Variants in SLC24A3 observed in about 807,000 individuals in gnomAD.
SLC24A3 encodes sodium/potassium/calcium exchanger 3.
SLC24A3 carries 28 observed loss-of-function variants against 75.8 expected under a neutral mutation model. That is an observed-to-expected ratio of 0.37 (90% CI 0.27 to 0.51). The LOEUF (loss-of-function observed/expected upper bound fraction) is 0.51, where lower values mean the gene tolerates loss of function less well. Ranked by LOEUF, SLC24A3 falls within the 20% of genes least tolerant of loss-of-function variation. SLC24A3 has a pLI of 0.94. For synonymous variants in SLC24A3, 372 were observed against 334.1 expected (o/e 1.11, Z -1.24); for missense variants, 663 against 847.8 (o/e 0.78, Z 2.71).
intron 2 of SLC24A3, among the ~76,000 whole-genome samples, chr20:19,296,152 T>G (rs1235505130): frequency 6.6e-6 from 1 of 152,128 alleles, no homozygotes; most frequent in Non-Finnish European, 1.5e-5. Flanking sequence ...CATAGAGGTG[T>G]TTATAGTATT....
chr20:19,575,022 G>A (rs1247486347), intron 3 of SLC24A3, among the ~76,000 whole-genome samples: 1 of 151,968 alleles, frequency 6.6e-6, no homozygotes, highest in Non-Finnish European at 1.5e-5. Context: ...GGCCCAAGTG[G>A]GTAGATCACT....
intron 15 of SLC24A3, among the ~76,000 whole-genome samples, chr20:19,700,895 A>T (rs73285765): frequency 6.6e-6 from 1 of 152,220 alleles, no homozygotes; most frequent in East Asian, 1.9e-4. Flanking sequence ...ACATTAACCT[A>T]TAGGTTTTAG....
intron 1 of SLC24A3, among the ~76,000 whole-genome samples, chr20:19,254,001 TC>T (rs1425086750): frequency 1.3e-5 from 2 of 152,162 alleles, no homozygotes; most frequent in African/African-American, 4.8e-5. Context: ...AGGTAGACGT[TC>T]CCCTCAGGGC....
intron 2 of SLC24A3, among the ~76,000 whole-genome samples, chr20:19,503,618 T>G (rs1988418763): frequency 6.6e-6 from 1 of 152,186 alleles, no homozygotes; most frequent in Non-Finnish European, 1.5e-5. Context: ...AACATCTGCA[T>G]TTTCCCCTTA....
chr20:19,699,791 A>C (rs1003195939), intron 15 of SLC24A3, among the ~76,000 whole-genome samples: 1 of 152,296 alleles, frequency 6.6e-6, no homozygotes, highest in Admixed American at 6.5e-5. Flanking sequence ...CATGCATGAG[A>C]TGTCTCTATC....
intron 3 of SLC24A3, among the ~76,000 whole-genome samples, chr20:19,529,247 C>A (rs1469419185): frequency 6.6e-6 from 1 of 152,074 alleles, no homozygotes; most frequent in African/African-American, 2.4e-5. Context: ...CCATACAACA[C>A]TTTTTGGGTT....
intron 2 of SLC24A3, among the ~76,000 whole-genome samples, chr20:19,440,811 T>A (rs1424591846): frequency 6.6e-6 from 1 of 152,076 alleles, no homozygotes; most frequent in African/African-American, 2.4e-5. Flanking sequence ...GAGGGATGGA[T>A]GGAAGATGAA....
At chr20:19,232,168 CA>C (rs1982040421) in intron 1 of SLC24A3, among the ~76,000 whole-genome samples, 1 of 152,018 alleles carries the variant, frequency 6.6e-6, no homozygotes, top group Admixed American at 6.6e-5. Flanking sequence ...CCTTGACAAT[CA>C]AAATATTTAT....
chr20:19,380,321 C>T lies in SLC24A3; in HGVS notation c.271+99234C>T, dbSNP rs749612188. 5.3e-5 allele frequency among the ~76,000 whole-genome samples: 8 copies of T among 151,952 alleles called. No individual in the cohort carries two copies. The East Asian group carries it at 5.8e-4, about 11-fold the overall frequency. On this transcript the variant is annotated intron_variant, in intron 2 of 16. Coordinates refer to ENST00000328041, the MANE Select transcript of SLC24A3 (RefSeq NM_020689.4). ...TGCAGAGAATCAGAAAAGGAGAGTG[C>T]GGTGTGAGACAGGGCTGGAGACACT...
chr20:19,666,833 G>T (rs928131891), intron 8 of SLC24A3, among the ~76,000 whole-genome samples: 28 of 152,176 alleles, frequency 1.8e-4, no homozygotes, highest in Non-Finnish European at 4.4e-5. Context: ...ATTTGCATTT[G>T]GTCCAACTGT....
chr20:19,530,620 C>T (rs565665145), intron 3 of SLC24A3, among the ~76,000 whole-genome samples: 5 of 152,242 alleles, frequency 3.3e-5, no homozygotes, highest in South Asian at 2.1e-4. Flanking sequence ...TCTCAAGGTC[C>T]GAGATCTGTG....
intron 9 of SLC24A3, among the ~76,000 whole-genome samples, chr20:19,678,447 G>A (rs1271791290): frequency 1.5e-5 from 2 of 133,608 alleles, no homozygotes; most frequent in Admixed American, 7.3e-5. Flanking sequence ...CGGACGGGGC[G>A]GCTGGCCGGG....
In SLC24A3 at chr20:19,212,941, G is replaced by A; in HGVS notation, c.99G>A (p.Val33=). The part of the protein sequence containing the change: ...LLSQLCFLAS[V]ALLLWSLSSL... ...GCCAGCTCTGCTTCCTGGCCTCGGT[G>A]GCGCTGCTGCTCTGGTCGCTGTCGA... Residue 33 remains valine, a synonymous_variant, in exon 1 of 17, where the codon GTG becomes GTA. Transcript: ENST00000328041. 1.5e-6 allele frequency: 2 copies of A among 1,349,930 alleles called. No individual in the cohort carries two copies. Among genetic ancestry groups the A allele is most frequent in the East Asian group, 5.7e-5 (2 of 35,098 alleles). 83.6% of individuals were successfully genotyped at this position (1,349,930 alleles called of 1,614,324 possible). A position where few individuals can be genotyped will look rare whatever the true frequency, so the allele number is the denominator to read the frequency against.
chr20:19,451,790 G>A (rs1310497953), intron 2 of SLC24A3, among the ~76,000 whole-genome samples: 3 of 152,148 alleles, frequency 2.0e-5, no homozygotes, highest in African/African-American at 4.8e-5. Flanking sequence ...GCCTGCCTTG[G>A]GAGTGCACCA....
intron 2 of SLC24A3, among the ~76,000 whole-genome samples, chr20:19,479,955 C>G (rs948240711): frequency 2.0e-5 from 3 of 152,192 alleles, no homozygotes; most frequent in African/African-American, 7.2e-5. Flanking sequence ...GGGACTTGAA[C>G]AAGCTGCTGA....
intron 3 of SLC24A3, among the ~76,000 whole-genome samples, chr20:19,548,657 CTCTT>C (rs893452480): frequency 1.3e-5 from 2 of 152,204 alleles, no homozygotes; most frequent in Non-Finnish European, 2.9e-5. Flanking sequence ...CCCTTGGAAT[CTCTT>C]TCAACAGAAA....
chr20:19,653,306 C>A (rs774626002), intron 6 of SLC24A3, among the ~76,000 whole-genome samples: 11 of 152,230 alleles, frequency 7.2e-5, no homozygotes, highest in Non-Finnish European at 1.3e-4. Context: ...TGCCTATCAG[C>A]TTCGTGTCAG....
chr20:19,548,199 A>G (rs2122595702), intron 3 of SLC24A3, among the ~76,000 whole-genome samples: 1 of 152,236 alleles, frequency 6.6e-6, no homozygotes, highest in East Asian at 1.9e-4. Context: ...GCTGGTGCTC[A>G]TGCCTTACCT....
rs113736540 is a variant in SLC24A3 at position 19,688,232 on chromosome 20, T to A, written c.1324+2871T>A. 6.3e-4 allele frequency among the ~76,000 whole-genome samples: 96 copies of A among 152,300 alleles called. 1 individual carries two copies. The highest frequency in any genetic ancestry group is 2.3e-3 in the African/African-American group (94 of 41,570). On this transcript the variant is annotated intron_variant, in intron 12 of 16. Transcript: ENST00000328041. ...CAAGAACCGGCTGCCCCCCATCCTGTGACACTGACGCTGCTGGTCTGTGTG... is the reference window on the plus strand; with the variant it reads ...CAAGAACCGGCTGCCCCCCATCCTGAGACACTGACGCTGCTGGTCTGTGTG...
Sources: gnomAD v4.1 joint callset for allele counts (sites outside exome capture counted in the v4.1 genomes callset) on GRCh38, gnomAD v4.1.1 for gene constraint, MANE v1.5 for transcripts, NCBI Gene and HGNC (gene_info 2026-07-23, HGNC 2026-07-21) for gene names.